The following SGPP2 variants were observed in gnomAD, a reference collection of about 807,000 sequenced individuals.
SGPP2 encodes sphingosine-1-phosphate phosphatase 2, also known as sphingosine 1-phosphate phosphohydrolase 2.
A neutral mutation model predicts 33.9 loss-of-function variants in SGPP2; 30 were observed. That is an observed-to-expected ratio of 0.89 (90% CI 0.66 to 1.20). The LOEUF (loss-of-function observed/expected upper bound fraction) is 1.20, where lower values mean the gene tolerates loss of function less well. Among genes scored for constraint, SGPP2 ranks in the 50% most tolerant of loss-of-function variants. The probability of loss-of-function intolerance (pLI) is 0.00; values close to 1 mark genes in which losing one functional copy is unlikely to be tolerated. For synonymous variants in SGPP2, 233 were observed against 225.0 expected, an observed-to-expected ratio of 1.04 and a Z score of -0.32; for missense variants, 458 against 532.1, an observed-to-expected ratio of 0.86 and a Z score of 1.37.
chr2:222,481,114 A>G (rs540987408), intron 2 of SGPP2, among the ~76,000 whole-genome samples: 3 of 152,342 alleles, frequency 2.0e-5, no homozygotes, highest in Non-Finnish European at 2.9e-5. Flanking sequence ...GAGGGAGAGC[A>G]TCAGGAAGAA....
chr2:222,505,656 G>C (rs181357476), intron 2 of SGPP2, among the ~76,000 whole-genome samples: 3 of 152,006 alleles, frequency 2.0e-5, no homozygotes, highest in Middle Eastern at 3.4e-3. Flanking sequence ...AAATTAGGCC[G>C]GGCCTGGTGG....
At chr2:222,435,311 G>C (rs1697223314) in intron 1 of SGPP2, among the ~76,000 whole-genome samples, 1 of 152,054 alleles carries the variant, frequency 6.6e-6, no homozygotes. Flanking sequence ...TTCTAGCTGA[G>C]GTGGCAGCTG....
At chr2:222,425,165 A>G (rs551395982) in intron 1 of SGPP2, among the ~76,000 whole-genome samples, 1 of 152,300 alleles carries the variant, frequency 6.6e-6, no homozygotes, top group South Asian at 2.1e-4. Context: ...TGTCCTTGGC[A>G]CTTCCCCGGG....
intron 2 of SGPP2, among the ~76,000 whole-genome samples, chr2:222,512,790 T>C (rs1332639750): frequency 1.3e-5 from 2 of 152,216 alleles, no homozygotes; most frequent in East Asian, 3.8e-4. Context: ...CTCCTCCATA[T>C]CTTGTCATGG....
intron 1 of SGPP2, chr2:222,452,721 C>T: frequency 2.1e-6 from 3 of 1,396,400 alleles, no homozygotes; most frequent in Non-Finnish European, 3.1e-6. Context: ...CTGGTTGCTC[C>T]ACATTGGAAG....
intron 1 of SGPP2, among the ~76,000 whole-genome samples, chr2:222,462,225 T>C (rs1697672983): frequency 6.6e-6 from 1 of 151,990 alleles, no homozygotes; most frequent in Non-Finnish European, 1.5e-5. Context: ...CACATATGCT[T>C]ATTTGGTCAG....
In SGPP2 at chr2:222,476,527, C is replaced by A. The variant is rs189056877; in HGVS notation, c.378+1801C>A. Among the ~76,000 whole-genome samples the A allele has an allele frequency of 3.3e-4, 50 of 152,258 alleles. No individual in the cohort carries two copies. Among genetic ancestry groups the A allele is most frequent in the Non-Finnish European group, 2.9e-5 (2 of 68,018 alleles). On this transcript the variant is annotated intron_variant, in intron 2 of 4. Coordinates refer to ENST00000321276, the MANE Select transcript of SGPP2 (RefSeq NM_152386.4). This position sits in a 1 kb window ranked among gnomAD's most constrained non-coding sequence, Gnocchi z 4.3. ...AGAGAACGTTAGTCCAGTTGTCCCT[C>A]CCCGTTTCTGAGGCCACTTCTGTGT...
At chr2:222,525,163 G>C in intron 4 of SGPP2, 130 bp downstream of exon 4, 2 of 636,760 alleles carry the variant, frequency 3.1e-6, no homozygotes, top group South Asian at 4.4e-5. Context: ...TCATGCCAAT[G>C]CATTAAGTAA....
rs1416373263 is a variant in SGPP2, at chr2:222,521,937, C to G, written c.549C>G (p.Asp183Glu). 4 of 1,540,168 alleles carry G rather than the reference C, an allele frequency of 2.6e-6. No homozygotes were observed. The highest frequency in any genetic ancestry group is 1.7e-4 in the Middle Eastern group (1 of 5,878). ...TCACCCTCCTTATCTCTACTATGGACAGATACCAGGTAAGGTGGCCTGGTT... is the reference window on the plus strand; with the variant it reads ...TCACCCTCCTTATCTCTACTATGGAGAGATACCAGGTAAGGTGGCCTGGTT... ...IAFTLLISTM[D>E]RYQYPFVLGL... is the part of the protein sequence containing the mutation. The change falls in exon 3 of 5, where the codon GAC becomes GAG. Residue 183 changes from aspartate (D) to glutamate (E), a missense_variant. Asp to Glu is a conservative substitution (Grantham distance 45). Transcript: ENST00000321276.
intron 1 of SGPP2, among the ~76,000 whole-genome samples, chr2:222,428,303 G>A (rs1279365847): frequency 1.3e-5 from 2 of 152,210 alleles, no homozygotes; most frequent in African/African-American, 2.4e-5. Context: ...CTAGGACTGG[G>A]CCAGGAAGGT....
chr2:222,528,784 T>G (rs567723521), intron 4 of SGPP2, among the ~76,000 whole-genome samples: 1 of 152,258 alleles, frequency 6.6e-6, no homozygotes, highest in South Asian at 2.1e-4. Context: ...ATCTGGCTAA[T>G]TTTTGTATTT....
At chr2:222,498,385 C>G (rs1030885044) in intron 2 of SGPP2, 2 of 152,086 alleles carry the variant, frequency 1.3e-5, no homozygotes, top group Non-Finnish European at 2.9e-5. Flanking sequence ...ATTCATGGAG[C>G]ATTCCATTTT....
chr2:222,441,999 C>T (rs146972859), intron 1 of SGPP2, among the ~76,000 whole-genome samples: 3 of 152,314 alleles, frequency 2.0e-5, no homozygotes, highest in African/African-American at 7.2e-5. Context: ...ATATCTTTTC[C>T]TGTTCTGTCC....
At chr2:222,521,979 T>A in intron 3 of SGPP2, 33 bp downstream of exon 3, 1 of 1,471,566 alleles carries the variant, frequency 6.8e-7, no homozygotes, top group Non-Finnish European at 9.0e-7. Flanking sequence ...CCTACCCACC[T>A]ACTGAGGCAG....
intron 2 of SGPP2, among the ~76,000 whole-genome samples, chr2:222,510,209 C>T (rs1698504855): frequency 6.6e-6 from 1 of 152,214 alleles, no homozygotes; most frequent in African/African-American, 2.4e-5. Context: ...CCAGTGAGGA[C>T]ACATGCTTTC....
chr2:222,501,426 A>G (rs1698364191), intron 2 of SGPP2, among the ~76,000 whole-genome samples: 1 of 152,178 alleles, frequency 6.6e-6, no homozygotes, highest in African/African-American at 2.4e-5. Context: ...CTAACAGCTC[A>G]CTACATAGGG....
intron 2 of SGPP2, among the ~76,000 whole-genome samples, chr2:222,483,023 A>T (rs2106103833): frequency 6.6e-6 from 1 of 152,282 alleles, no homozygotes. Flanking sequence ...CTTAAAACAG[A>T]TTGATCCATG....
At chr2:222,495,437 A>G (rs1288131062) in intron 2 of SGPP2, among the ~76,000 whole-genome samples, 1 of 152,178 alleles carries the variant, frequency 6.6e-6, no homozygotes, top group East Asian at 1.9e-4. Flanking sequence ...TTAAAAAAAA[A>G]TCTATCTGCA....
chr2:222,478,078 G>C (rs567581604), intron 2 of SGPP2, among the ~76,000 whole-genome samples: 1 of 151,580 alleles, frequency 6.6e-6, no homozygotes, highest in Non-Finnish European at 1.5e-5. Flanking sequence ...TGTGAGAAGC[G>C]TAAGGTAATG....
Sources: gnomAD v4.1 joint callset for allele counts (sites outside exome capture counted in the v4.1 genomes callset) on GRCh38, gnomAD v4.1.1 for gene constraint, Gnocchi (gnomAD v3.1) non-coding constraint, MANE v1.5 for transcripts, NCBI Gene and HGNC (gene_info 2026-07-23, HGNC 2026-07-21) for gene names.